APC2: variants seen among roughly 807,000 people sequenced by gnomAD.
The protein encoded by APC2 is APC regulator of Wnt signaling pathway 2.
A neutral mutation model predicts 72.5 loss-of-function variants in APC2; 41 were observed. The ratio of observed to expected loss-of-function variants is 0.57; its 90% CI spans 0.44 to 0.73. APC2 has a LOEUF of 0.73. Among genes scored for constraint, APC2 ranks in the 30% least tolerant of loss-of-function variants. The probability of loss-of-function intolerance (pLI) is 0.00; values close to 1 mark genes in which losing one functional copy is unlikely to be tolerated. For missense variants in APC2, 3,729 were observed against 3,403.4 expected (o/e 1.10, Z -2.38); for synonymous variants, 1,898 against 1,612.0 (o/e 1.18, Z -4.25).
chr19:1,456,595 C>A (rs920199236), intron 8 of APC2, among the ~76,000 whole-genome samples, 191 bp downstream of exon 8: 1 of 152,128 alleles, frequency 6.6e-6, no homozygotes, highest in Non-Finnish European at 1.5e-5. Flanking sequence ...AAATACGTCC[C>A]GTAGCGGGGG....
rs1210388246 is a variant in APC2, at chr19:1,469,979, C to G, written c.6678C>G (p.Leu2226=). 1 of 1,525,938 alleles carries G rather than the reference C, an allele frequency of 6.6e-7. No individual in the cohort carries two copies. Among genetic ancestry groups the G allele is most frequent in the Non-Finnish European group, 8.8e-7 (1 of 1,141,830 alleles). 94.5% of individuals were successfully genotyped at this position (1,525,938 alleles called of 1,614,324 possible). A position where few individuals can be genotyped will look rare whatever the true frequency, so the allele number is the denominator to read the frequency against. The change falls in exon 15 of 15, where the codon CTC becomes CTG. Residue 2226 remains leucine, a synonymous_variant. Coordinates refer to ENST00000590469, the MANE Select transcript of APC2 (RefSeq NM_005883.3). ...GAPAGGQLSL[L]GSDVDGPSLA... ...CCGCCGGCGGCCAGCTCTCCCTCCTCGGCAGCGACGTGGACGGTCCCAGCC... is the reference window on the plus strand; with the variant it reads ...CCGCCGGCGGCCAGCTCTCCCTCCTGGGCAGCGACGTGGACGGTCCCAGCC...
Position 1,467,480 on chromosome 19 carries a change from G to A in APC2, c.4179G>A (p.Ala1393=), listed in dbSNP as rs1055066638. ...AQEDDSCTDS[A]EGTPVNFSSA... is the part of the protein sequence containing the mutation. Reference sequence around the variant, plus strand: ...AGGACGACTCCTGCACTGACTCCGCGGAGGGCACGCCGGTCAACTTCTCTA... The same window carrying A: ...AGGACGACTCCTGCACTGACTCCGCAGAGGGCACGCCGGTCAACTTCTCTA... Residue 1393 remains alanine, a synonymous_variant, in exon 15 of 15, where the codon GCG becomes GCA. Transcript: ENST00000590469. The A allele has an allele frequency of 4.1e-6, 6 of 1,454,306 alleles. No individual in the cohort carries two copies. Among genetic ancestry groups the A allele is most frequent in the Non-Finnish European group, 4.5e-6 (5 of 1,104,592 alleles). 90.1% of individuals were successfully genotyped at this position (1,454,306 alleles called of 1,614,324 possible).
At position 1,453,400 on chromosome 19, in the gene APC2, G is replaced by T. The variant is rs2279872; in HGVS notation, c.233-31G>T. On this transcript the variant is annotated intron_variant, in intron 3 of 14. Transcript: ENST00000590469. The stretch of plus-strand genomic sequence containing the variant: ...GCTGGGGGGAAAGGCAGGCAGGGCC[G>T]CTGACCTCCGCCCTGTCCCCGCCCA... 3,431 of 1,609,154 alleles carry T rather than the reference G, an allele frequency of 2.1e-3. 37 individuals are homozygous for T. In the East Asian group the frequency reaches 0.024, roughly 11 times the overall value.
Position 1,468,643 on chromosome 19 carries a change from C to G in APC2, c.5342C>G (p.Thr1781Arg). Residue 1781 changes from threonine (T) to arginine (R), a missense_variant, in exon 15 of 15, where the codon ACG (threonine) becomes AGG (arginine). Transcript: ENST00000590469. The stretch of plus-strand genomic sequence containing the variant: ...AAGCCACGTGGCACACAGAAGACCA[C>G]GCCCGGGGTGCCAGCTGTGCTCCGG... ...PEKPRGTQKT[T>R]PGVPAVLRGR... 1.3e-6 allele frequency: 2 copies of G among 1,594,890 alleles called. No homozygotes were observed. The highest frequency in any genetic ancestry group is 1.7e-6 in the Non-Finnish European group (2 of 1,169,464).
In APC2 at chr19:1,455,390, T is replaced by G. The variant is rs1289028093; in HGVS notation, c.529T>G (p.Ser177Ala). The G allele has an allele frequency of 6.2e-7, 1 of 1,608,990 alleles. No homozygotes were observed. Among genetic ancestry groups the G allele is most frequent in the Non-Finnish European group, 8.5e-7 (1 of 1,178,246 alleles). The change falls in exon 6 of 15, where the codon TCG (serine) becomes GCG (alanine). Residue 177 changes from serine to alanine, a missense_variant. Ser to Ala is a moderately conservative substitution (Grantham distance 99, BLOSUM62 1). Transcript: ENST00000590469. ...DELPHVETQF[S>A]MQMDLIRQQL... ...GCCCGCCTGCCTTTGCCAGCAGTTC[T>G]CGATGCAGATGGACCTGATCCGGCA...
At position 1,465,376 on chromosome 19, in the gene APC2, G is replaced by A. The variant is rs1395795708; in HGVS notation, c.2075G>A (p.Arg692His). 2.5e-6 allele frequency: 4 copies of A among 1,578,886 alleles called. No individual in the cohort carries two copies. Among genetic ancestry groups the A allele is most frequent in the South Asian group, 1.1e-5 (1 of 88,490 alleles). The change falls in exon 15 of 15, where the codon CGC (arginine) becomes CAC (histidine). Residue 692 changes from arginine (R) to histidine (H), a missense_variant. Arg to His is a conservative substitution (Grantham distance 29). Coordinates refer to ENST00000590469, the MANE Select transcript of APC2 (RefSeq NM_005883.3). ...MIAMGSAAAL[R>H]NLLAHRPAKH... ...GCCATGGGCAGCGCCGCCGCCCTGC[G>A]CAACCTGCTGGCCCATCGGCCCGCC...
At position 1,466,388 on chromosome 19, in the gene APC2, C is replaced by T; in HGVS notation, c.3087C>T (p.Ala1029=). 6.3e-7 allele frequency: 1 copy of T among 1,591,358 alleles called. No individual in the cohort carries two copies. Among genetic ancestry groups the T allele is most frequent in the East Asian group, 2.2e-5 (1 of 44,688 alleles). ...TCTCTCCAGGGGCCCGGAAGCAGGC[C>T]TGGCTGCCGGCAGACCACCTGAGCA... ...PGISPGARKQ[A]WLPADHLSKV... is the part of the protein sequence containing the mutation. Residue 1029 remains alanine (A), a synonymous_variant, in exon 15 of 15, where the codon GCC becomes GCT. Coordinates refer to ENST00000590469, the MANE Select transcript of APC2 (RefSeq NM_005883.3).
intron 10 of APC2, 43 bp downstream of exon 10, chr19:1,458,103 G>T (rs576515497): frequency 2.0e-6 from 3 of 1,524,144 alleles, no homozygotes; most frequent in African/African-American, 1.4e-5. Context: ...TCCAGCCCCC[G>T]AACAGGTGGT....
rs899622994 is a variant in APC2, at chr19:1,461,385, G to C, written c.1638+232G>C. The C allele has an allele frequency of 8.6e-6, 5 of 580,592 alleles. No individual in the cohort carries two copies. In the Admixed American group the frequency reaches 9.0e-5, roughly 10 times the overall value. 36.0% of individuals were successfully genotyped at this position (580,592 alleles called of 1,614,324 possible). Reference sequence around the variant, plus strand: ...AGGTCAGGAGTTCGAGACCAGCCTGGCCAACATGGTCAGACCCCATCTCTA... The same window carrying C: ...AGGTCAGGAGTTCGAGACCAGCCTGCCCAACATGGTCAGACCCCATCTCTA... On this transcript the variant is annotated intron_variant, in intron 13 of 14. Coordinates refer to ENST00000590469, the MANE Select transcript of APC2 (RefSeq NM_005883.3).
intron 8 of APC2, 30 bp from the exon 9 acceptor site, chr19:1,456,823 G>T (rs763141111): frequency 1.3e-6 from 2 of 1,580,232 alleles, no homozygotes; most frequent in South Asian, 2.3e-5. Flanking sequence ...GCAGGTGAGG[G>T]ACCCCACCCT....
At position 1,456,144 on chromosome 19, in the gene APC2, G is replaced by C. The variant is rs1380786486; in HGVS notation, c.708G>C (p.Thr236=). 4.4e-6 allele frequency: 7 copies of C among 1,589,724 alleles called. No individual in the cohort carries two copies. In the East Asian group the frequency reaches 6.8e-5, roughly 16 times the overall value. The change falls in exon 7 of 15, where the codon ACG becomes ACC. Residue 236 remains threonine (T), a synonymous_variant. Coordinates refer to ENST00000590469, the MANE Select transcript of APC2 (RefSeq NM_005883.3). ...LLEAQDRVQQ[T]EPQALLAVKS... ...AGGCGCAGGACCGAGTGCAGCAGAC[G>C]GAGCCCCAGGTACCGGGTGGGGCAG...
rs1035679346 is a variant in APC2, at chr19:1,468,454, T to C, written c.5153T>C (p.Leu1718Pro). 1.6e-5 allele frequency: 26 copies of C among 1,597,528 alleles called. No homozygotes were observed. Among genetic ancestry groups the C allele is most frequent in the Non-Finnish European group, 1.9e-5 (22 of 1,173,650 alleles). Residue 1718 changes from leucine to proline, a missense_variant, in exon 15 of 15, where the codon CTG (leucine) becomes CCG (proline). Leu to Pro is a moderately conservative substitution (Grantham distance 98). Coordinates refer to ENST00000590469, the MANE Select transcript of APC2 (RefSeq NM_005883.3). ...REASSESDSI[L>P]SFVSGLSVGS... ...GCCTCGTCCGAGTCCGACTCCATCC[T>C]GTCCTTCGTATCCGGGCTGTCAGTG...
At chr19:1,459,182 C>T (rs1486840753) in intron 10 of APC2, among the ~76,000 whole-genome samples, 11 of 152,268 alleles carry the variant, frequency 7.2e-5, no homozygotes, top group Non-Finnish European at 1.2e-4. Context: ...GGTGCACCTA[C>T]GCCATAGTCT....
chr19:1,465,291 T>C lies in APC2; in HGVS notation c.1990T>C (p.Trp664Arg). Residue 664 changes from tryptophan to arginine, a missense_variant, in exon 15 of 15, where the codon TGG (tryptophan) becomes CGG (arginine). By Grantham distance (101) the Trp-to-Arg change is moderately radical. Coordinates refer to ENST00000590469, the MANE Select transcript of APC2 (RefSeq NM_005883.3). ...ARSARDQELL[W>R]DLGAVGMLRN... ...CAGCGCCCGTGACCAGGAGCTGCTGTGGGACCTGGGCGCCGTGGGCATGCT... is the reference window on the plus strand; with the variant it reads ...CAGCGCCCGTGACCAGGAGCTGCTGCGGGACCTGGGCGCCGTGGGCATGCT... The C allele has an allele frequency of 6.2e-7, 1 of 1,602,808 alleles. No homozygotes were observed. The highest frequency in any genetic ancestry group is 1.1e-5 in the South Asian group (1 of 90,832).
At chr19:1,446,506 C>CG (rs144192727), upstream of APC2, among the ~76,000 whole-genome samples, 71,440 of 151,802 alleles carry the variant, frequency 0.47, 19,806 homozygotes, top group African/African-American at 0.79. The surrounding 1 kb of genome is among the most constrained non-coding windows in gnomAD (Gnocchi z 6.1). Flanking sequence ...AGACCGTTGC[C>CG]GGGAAACCGC....
chr19:1,452,995 G>A lies in APC2; in HGVS notation c.-7G>A, dbSNP rs1438242796. On this transcript the variant is annotated 5_prime_UTR_variant, in exon 2 of 15. Transcript: ENST00000590469. This position sits in a 1 kb window ranked among gnomAD's most constrained non-coding sequence, Gnocchi z 5.1. Reference sequence around the variant, plus strand: ...CCCTGTGATCCCAGACGCTGCAGGAGCTGAAGATGGCGAGCTCCGTGGCGC... The same window carrying A: ...CCCTGTGATCCCAGACGCTGCAGGAACTGAAGATGGCGAGCTCCGTGGCGC... The A allele has an allele frequency of 5.0e-6, 8 of 1,610,892 alleles. No individual in the cohort carries two copies. The African/African-American group carries it at 1.1e-4, about 22-fold the overall frequency.
intron 9 of APC2, 187 bp downstream of exon 9, chr19:1,457,430 C>G (rs2083852166): frequency 3.6e-6 from 3 of 837,626 alleles, no homozygotes; most frequent in Admixed American, 3.5e-5. Flanking sequence ...ATGATCGTAC[C>G]TGGCGCAGAG....
intron 11 of APC2, 35 bp downstream of exon 11, chr19:1,460,355 T>C: frequency 1.2e-6 from 2 of 1,612,474 alleles, no homozygotes; most frequent in Non-Finnish European, 1.7e-6. Context: ...GGCACTTTCC[T>C]CATCCAGTCT....
At chr19:1,462,206 A>T in intron 14 of APC2, 29 bp downstream of exon 14, 3 of 1,473,576 alleles carry the variant, frequency 2.0e-6, no homozygotes, top group Non-Finnish European at 2.7e-6. Context: ...ACCCGCACAC[A>T]GGCAGCTGCG....
Sources: allele counts gnomAD v4.1 joint callset (sites outside exome capture counted in the v4.1 genomes callset), GRCh38; gene constraint gnomAD v4.1.1; non-coding constraint Gnocchi (gnomAD v3.1); transcripts MANE v1.5; gene names NCBI Gene and HGNC (gene_info 2026-07-23, HGNC 2026-07-21).